The following RB1CC1 variants were observed in gnomAD, a reference collection of about 807,000 sequenced individuals.
RB1CC1 encodes RB1 inducible coiled-coil 1, also known as RB1-inducible coiled-coil protein 1.
RB1CC1 carries 46 observed loss-of-function variants against 177.5 expected under a neutral mutation model. The observed-to-expected ratio is 0.26, with a 90% CI of 0.20 to 0.33. RB1CC1 has a LOEUF of 0.33. Among genes scored for constraint, RB1CC1 ranks in the 10% least tolerant of loss-of-function variants. RB1CC1 has a pLI of 1.00. For missense variants in RB1CC1, 1,703 were observed against 1,816.3 expected, an observed-to-expected ratio of 0.94 and a Z score of 1.13; for synonymous variants, 666 against 613.6, an observed-to-expected ratio of 1.09 and a Z score of -1.26.
intron 23 of RB1CC1, 27 bp downstream of exon 23, chr8:52,624,690 C>A (rs376261405): frequency 6.6e-7 from 1 of 1,526,300 alleles, no homozygotes; most frequent in Non-Finnish European, 9.1e-7. Context: ...AGTTCCCAGG[C>A]TTAGTATCAC....
chr8:52,703,621 G>C (rs529474020), intron 1 of RB1CC1, among the ~76,000 whole-genome samples: 1 of 152,222 alleles, frequency 6.6e-6, no homozygotes, highest in East Asian at 1.9e-4. Flanking sequence ...GCTGTCAGTG[G>C]TCTTGTTCCT....
chr8:52,657,358 G>A lies in RB1CC1; in HGVS notation c.2471C>T (p.Thr824Ile), dbSNP rs772800210. Residue 824 changes from threonine (T) to isoleucine (I), a missense_variant, in exon 15 of 24, where the codon ACA becomes ATA. By Grantham distance (89) the Thr-to-Ile change is moderately conservative (BLOSUM62 -1). This residue lies in a region of RB1CC1 where 1,169 missense variants were observed against 1,184.7 expected (regional missense o/e 0.99). Transcript: ENST00000025008. ...TIKEDLCHFR[T>I]FVQKEQCDFS... Reference sequence around the variant, plus strand: ...GTCACACTGTTCTTTTTGTACAAATGTTCTAAAGTGGCAAAGGTCTTCCTT... The same window carrying A: ...GTCACACTGTTCTTTTTGTACAAATATTCTAAAGTGGCAAAGGTCTTCCTT... The A allele has an allele frequency of 1.2e-6, 2 of 1,613,804 alleles. No individual in the cohort carries two copies. Among genetic ancestry groups the A allele is most frequent in the African/African-American group, 1.3e-5 (1 of 74,894 alleles).
chr8:52,623,830 C>T lies in RB1CC1; in HGVS notation c.4737G>A (p.Gly1579=). ...KAQNRFKVPL[G]TKFYRVKAVS... ...CGGCTTTCACTCTGTAAAACTTTGTCCCCAAAGGAACTTTAAATCTGTTTT... is the reference window on the plus strand; with the variant it reads ...CGGCTTTCACTCTGTAAAACTTTGTTCCCAAAGGAACTTTAAATCTGTTTT... Residue 1579 remains glycine, a synonymous_variant, in exon 24 of 24, where the codon GGG becomes GGA. Transcript: ENST00000025008. The T allele has an allele frequency of 6.2e-7, 1 of 1,609,452 alleles. No homozygotes were observed. The highest frequency in any genetic ancestry group is 8.5e-7 in the Non-Finnish European group (1 of 1,176,312).
At chr8:52,658,252 G>T (rs1851259705) in intron 13 of RB1CC1, 128 bp from the exon 14 acceptor site, 3 of 1,092,526 alleles carry the variant, frequency 2.7e-6, no homozygotes, top group South Asian at 1.7e-5. Flanking sequence ...AATACCAGAA[G>T]TATTTTAAGA....
intron 17 of RB1CC1, 29 bp downstream of exon 17, chr8:52,642,675 T>TC: frequency 6.4e-7 from 1 of 1,569,854 alleles, no homozygotes; most frequent in African/African-American, 1.4e-5. Flanking sequence ...TTTAAAAAAT[T>TC]AAAAAAAATA....
At chr8:52,647,554 T>C (rs889194992) in intron 15 of RB1CC1, among the ~76,000 whole-genome samples, 1 of 152,142 alleles carries the variant, frequency 6.6e-6, no homozygotes, top group Non-Finnish European at 1.5e-5. Context: ...AGACTACTAA[T>C]AATGAAGTGC....
chr8:52,646,000 C>T (rs1849989693), intron 15 of RB1CC1, 133 bp from the exon 16 acceptor site: 2 of 844,678 alleles, frequency 2.4e-6, no homozygotes, highest in Non-Finnish European at 3.6e-6. Context: ...TGAACCCTCT[C>T]TTTGAATCTA....
At chr8:52,652,051 T>C (rs762619373) in intron 15 of RB1CC1, among the ~76,000 whole-genome samples, 2 of 152,212 alleles carry the variant, frequency 1.3e-5, no homozygotes, top group Non-Finnish European at 2.9e-5. Context: ...CCTTTTCCAA[T>C]TGCATTCAGC....
rs191004219 is a variant in RB1CC1, at chr8:52,639,737, C to T, written c.4337+2614G>A. ...CTACTGACATGACTCTATAAACCTT[C>T]TCAAGTAATCAGTGAGTATGGTTAG... On this transcript the variant is annotated intron_variant, in intron 18 of 23. Transcript: ENST00000025008. Among the ~76,000 whole-genome samples the T allele has an allele frequency of 7.9e-4, 121 of 152,258 alleles. 1 individual carries two copies. Among genetic ancestry groups the T allele is most frequent in the Non-Finnish European group, 7.4e-5 (5 of 67,984 alleles).
rs759190860 is a variant in RB1CC1 at position 52,683,571 on chromosome 8, G to C, written c.347C>G (p.Ala116Gly). ...LMMPAVFHTV[A>G]SRTQLALEMY... ...TACCAATGCAAGCTGTGTCCTTGAA[G>C]CAACAGTATGAAAAACTGCAGGCAT... The change falls in exon 5 of 24, where the codon GCT (alanine) becomes GGT (glycine). Residue 116 changes from alanine to glycine, a missense_variant. This residue lies in a region of RB1CC1 where 11 missense variants were observed against 29.1 expected (regional missense o/e 0.38). Coordinates refer to ENST00000025008, the MANE Select transcript of RB1CC1 (RefSeq NM_014781.5). 2 of 1,592,796 alleles carry C rather than the reference G, an allele frequency of 1.3e-6. No individual in the cohort carries two copies. Among genetic ancestry groups the C allele is most frequent in the East Asian group, 4.5e-5 (2 of 44,622 alleles).
chr8:52,625,157 C>T (rs998427138), intron 22 of RB1CC1, among the ~76,000 whole-genome samples: 1 of 152,120 alleles, frequency 6.6e-6, no homozygotes, highest in East Asian at 1.9e-4. Context: ...TTTCCCATTT[C>T]TTTAAGCAAA....
Position 52,642,497 on chromosome 8 carries a change from A to T in RB1CC1, c.4191T>A (p.Phe1397Leu). The change falls in exon 18 of 24, where the codon TTT becomes TTA. Residue 1397 changes from phenylalanine to leucine, a missense_variant. This residue lies in a region of RB1CC1 where 1,169 missense variants were observed against 1,184.7 expected (regional missense o/e 0.99). Coordinates refer to ENST00000025008, the MANE Select transcript of RB1CC1 (RefSeq NM_014781.5). ...CTGTAGCTACATATGGTGAAGGAAC[A>T]AAACTGCTACTACGCAACTTACTGA... is the stretch of plus-strand genomic sequence containing the variant. ...EEVSKLRSSSFVPSPYVATAP... is the reference protein window; with the variant it reads ...EEVSKLRSSSLVPSPYVATAP... 1 of 1,614,102 alleles carries T rather than the reference A, an allele frequency of 6.2e-7. No homozygotes were observed. The highest frequency in any genetic ancestry group is 8.5e-7 in the Non-Finnish European group (1 of 1,179,984).
chr8:52,660,171 T>C (rs919508423), intron 12 of RB1CC1, among the ~76,000 whole-genome samples: 1 of 152,190 alleles, frequency 6.6e-6, no homozygotes, highest in East Asian at 1.9e-4. Context: ...TGAGGCTTTA[T>C]TATTCTGATT....
intron 1 of RB1CC1, among the ~76,000 whole-genome samples, chr8:52,688,352 C>A (rs538160479): frequency 6.6e-6 from 1 of 152,176 alleles, no homozygotes; most frequent in East Asian, 1.9e-4. Context: ...AATATTAATA[C>A]CCTGGGAAAG....
intron 1 of RB1CC1, among the ~76,000 whole-genome samples, chr8:52,711,793 T>A (rs534428724): frequency 6.6e-6 from 1 of 152,342 alleles, no homozygotes; most frequent in East Asian, 1.9e-4. Context: ...GCCTCTCTCA[T>A]ACCAGTCCAG....
chr8:52,665,129 A>G (rs1202016168), intron 8 of RB1CC1, among the ~76,000 whole-genome samples: 1 of 152,214 alleles, frequency 6.6e-6, no homozygotes, highest in African/African-American at 2.4e-5. Context: ...GAATAAATAT[A>G]CGAATGAATT....
Position 52,657,244 on chromosome 8 carries a change from TTTTC to T in RB1CC1, c.2581_2584del (p.Glu861AsnfsTer9). ...TAAAGACAGTAGTTCTTTTTGATGTTTTTCTTTTAGTGTTATTTCCAGAGAACAT... is the reference window on the plus strand; with the variant it reads ...TAAAGACAGTAGTTCTTTTTGATGTTTTTTAGTGTTATTTCCAGAGAACAT... On this transcript the variant is annotated frameshift_variant, in exon 15 of 24. Coordinates refer to ENST00000025008, the MANE Select transcript of RB1CC1 (RefSeq NM_014781.5). LOFTEE classifies it high-confidence loss of function. 6.3e-7 allele frequency: 1 copy of T among 1,595,196 alleles called. No homozygotes were observed. Among genetic ancestry groups the T allele is most frequent in the Non-Finnish European group, 8.6e-7 (1 of 1,165,468 alleles).
chr8:52,713,772 C>T (rs1423575933), intron 1 of RB1CC1, among the ~76,000 whole-genome samples: 1 of 152,224 alleles, frequency 6.6e-6, no homozygotes. Context: ...CCCAAGGCTC[C>T]GGCCGAGGAA....
chr8:52,670,631 T>C (rs1328419345), intron 7 of RB1CC1, among the ~76,000 whole-genome samples: 1 of 152,190 alleles, frequency 6.6e-6, no homozygotes. Flanking sequence ...CTTCCAATTA[T>C]TAATCGTTAG....
Sources: allele counts gnomAD v4.1 joint callset (sites outside exome capture counted in the v4.1 genomes callset), GRCh38; gene constraint gnomAD v4.1.1; regional missense constraint gnomAD v4.1.1; transcripts MANE v1.5; gene names NCBI Gene and HGNC (gene_info 2026-07-23, HGNC 2026-07-21).